The following PDE8B variants were observed in gnomAD, a reference collection of about 807,000 sequenced individuals.
PDE8B encodes phosphodiesterase 8B.
Under a neutral mutation model 101.3 loss-of-function variants are expected in PDE8B, and 26 were observed. The ratio of observed to expected loss-of-function variants is 0.26; its 90% CI spans 0.19 to 0.36. The LOEUF (loss-of-function observed/expected upper bound fraction) is 0.36, where lower values mean the gene tolerates loss of function less well. Among genes scored for constraint, PDE8B ranks in the 10% least tolerant of loss-of-function variants. PDE8B has a pLI of 1.00. For missense variants in PDE8B, 810 were observed against 1,163.1 expected (o/e 0.70, Z 4.42); for synonymous variants, 424 against 429.3 (o/e 0.99, Z 0.15).
rs144325379 is a variant in PDE8B at position 77,215,594 on chromosome 5, C to T, written c.339+4330C>T. 1.8e-3 allele frequency among the ~76,000 whole-genome samples: 273 copies of T among 152,292 alleles called. 1 individual carries two copies. Among genetic ancestry groups the T allele is most frequent in the Admixed American group, 2.9e-3 (45 of 15,292 alleles). On this transcript the variant is annotated intron_variant, in intron 1 of 21. Transcript: ENST00000264917. ...CCAGGATGTAACATAGTATAAGCTG[C>T]CAGCTGTTCAGAGATGATATAGTTT...
intron 1 of PDE8B, among the ~76,000 whole-genome samples, chr5:77,283,242 A>AC (rs1295800421): frequency 1.3e-5 from 2 of 151,740 alleles, no homozygotes; most frequent in East Asian, 1.9e-4. Flanking sequence ...ACCCTGCACC[A>AC]CCCCCCACTC....
the PDE8B span, among the ~76,000 whole-genome samples, chr5:77,155,330 A>G: frequency 6.6e-6 from 1 of 152,252 alleles, no homozygotes; most frequent in Non-Finnish European, 1.5e-5. Context: ...GGTCCGCCCC[A>G]TAGGCCACCA....
intron 10 of PDE8B, among the ~76,000 whole-genome samples, chr5:77,369,709 A>G (rs1784747813): frequency 6.6e-6 from 1 of 152,202 alleles, no homozygotes; most frequent in Non-Finnish European, 1.5e-5. Context: ...GAAAATGTGC[A>G]AGCTTGGCAT....
In PDE8B at chr5:77,427,798, G is replaced by A. The variant is rs1174119349; in HGVS notation, c.*1244G>A. On this transcript the variant is annotated 3_prime_UTR_variant, in exon 22 of 22. Coordinates refer to ENST00000264917, the MANE Select transcript of PDE8B (RefSeq NM_003719.5). Reference sequence around the variant, plus strand: ...TCTTTTACCAGCTGATCCTTCCTATGTATTATAAATATTAGACTCCGTAAA... The same window carrying A: ...TCTTTTACCAGCTGATCCTTCCTATATATTATAAATATTAGACTCCGTAAA... The A allele has an allele frequency of 6.6e-6, 1 of 152,040 alleles. No homozygotes were observed. Among genetic ancestry groups the A allele is most frequent in the African/African-American group, 2.4e-5 (1 of 41,392 alleles). 9.4% of individuals were successfully genotyped at this position (152,040 alleles called of 1,614,324 possible). A position where few individuals can be genotyped will look rare whatever the true frequency, so the allele number is the denominator to read the frequency against.
At chr5:77,152,780 C>T in the PDE8B span, among the ~76,000 whole-genome samples, 1 of 151,974 alleles carries the variant, frequency 6.6e-6, no homozygotes, top group Admixed American at 6.5e-5. Context: ...CTCACCCTCA[C>T]CTCCGCAGCC....
At chr5:77,260,982 C>G (rs1294796023) in intron 1 of PDE8B, among the ~76,000 whole-genome samples, 1 of 152,104 alleles carries the variant, frequency 6.6e-6, no homozygotes, top group Non-Finnish European at 1.5e-5. Context: ...TGTTCTAATA[C>G]CGGCTGAAGA....
intron 4 of PDE8B, among the ~76,000 whole-genome samples, chr5:77,330,871 G>A (rs968003602): frequency 1.3e-5 from 2 of 152,160 alleles, no homozygotes; most frequent in Non-Finnish European, 2.9e-5. Context: ...TGTGAAATGA[G>A]TAGCAATTAT....
chr5:77,173,741 A>G, the PDE8B span, among the ~76,000 whole-genome samples: 4 of 151,860 alleles, frequency 2.6e-5, no homozygotes, highest in African/African-American at 9.7e-5. Flanking sequence ...TTCTCCCCCC[A>G]TCTCATTTTT....
chr5:77,210,559 G>A, upstream of PDE8B: 1 of 911,604 alleles, frequency 1.1e-6, no homozygotes, highest in Non-Finnish European at 1.3e-6. This position sits in a 1 kb window ranked among gnomAD's most constrained non-coding sequence, Gnocchi z 4.9. Flanking sequence ...GGAGCCCGGC[G>A]AGGTCGAGCT....
At chr5:77,341,683 G>T (rs1779224992) in intron 6 of PDE8B, among the ~76,000 whole-genome samples, 1 of 152,236 alleles carries the variant, frequency 6.6e-6, no homozygotes. Context: ...CTTCCCTACA[G>T]TGCTTCGTCC....
At chr5:77,181,300 C>T in the PDE8B span, among the ~76,000 whole-genome samples, 5 of 152,128 alleles carry the variant, frequency 3.3e-5, no homozygotes, top group Non-Finnish European at 7.3e-5. Flanking sequence ...GGAGAACAGT[C>T]TGTGGTAGGG....
At chr5:77,335,773 T>C (rs1778060697) in intron 5 of PDE8B, among the ~76,000 whole-genome samples, 1 of 152,212 alleles carries the variant, frequency 6.6e-6, no homozygotes, top group South Asian at 2.1e-4. Flanking sequence ...GCCAGCCATA[T>C]GCTTAGAAAG....
Position 77,270,591 on chromosome 5 carries a change from C to G in PDE8B, c.340-41403C>G, listed in dbSNP as rs527328474. On this transcript the variant is annotated intron_variant, in intron 1 of 21. Transcript: ENST00000264917. ...TGTTGATGGTATTTGGCTGAGGGAC[C>G]CTGAAGCTTCTGGATCTTGCTTGTA... Among the ~76,000 whole-genome samples the G allele has an allele frequency of 9.2e-5, 14 of 152,220 alleles. No homozygotes were observed. In the East Asian group the frequency reaches 2.7e-3, roughly 29 times the overall value.
Position 77,384,807 on chromosome 5 carries a change from A to G in PDE8B, c.1168-15441A>G, listed in dbSNP as rs557793822. On this transcript the variant is annotated intron_variant, in intron 10 of 21. Coordinates refer to ENST00000264917, the MANE Select transcript of PDE8B (RefSeq NM_003719.5). ...TTTGCGTATGTCTAACCAGCCATGC[A>G]TCCCAGGGATGAAGCCAACCTGATC... is the stretch of plus-strand genomic sequence containing the variant. 2.0e-5 allele frequency among the ~76,000 whole-genome samples: 3 copies of G among 152,328 alleles called. No individual in the cohort carries two copies. In the East Asian group the frequency reaches 5.8e-4, roughly 29 times the overall value.
chr5:77,097,720 T>TCTATATATATATAG, the PDE8B span, among the ~76,000 whole-genome samples: 6 of 41,894 alleles, frequency 1.4e-4, no homozygotes, highest in African/African-American at 2.9e-4. Context: ...TATATATATA[T>TCTATATATATATAG]ATATATATAT....
At chr5:77,091,101 A>T in the PDE8B span, among the ~76,000 whole-genome samples, 2 of 152,192 alleles carry the variant, frequency 1.3e-5, no homozygotes, top group African/African-American at 4.8e-5. Context: ...TTTTGATAAT[A>T]GTCATCCTAA....
At chr5:77,104,202 G>A in the PDE8B span, among the ~76,000 whole-genome samples, 4 of 152,140 alleles carry the variant, frequency 2.6e-5, no homozygotes, top group South Asian at 2.1e-4. Flanking sequence ...GGGGCCTATC[G>A]CTCTTCCACA....
intron 2 of PDE8B, 49 bp downstream of exon 2, chr5:77,312,102 T>TTTA: frequency 7.6e-7 from 1 of 1,314,308 alleles, no homozygotes; most frequent in Non-Finnish European, 1.1e-6. Flanking sequence ...TTCTTTTTTT[T>TTTA]TTCTTTTTTT....
chr5:77,377,925 C>T (rs1170556513), intron 10 of PDE8B, among the ~76,000 whole-genome samples: 7 of 151,912 alleles, frequency 4.6e-5, no homozygotes, highest in Non-Finnish European at 1.0e-4. Context: ...GACATCGTAT[C>T]ATGGGACTCC....
Sources: gnomAD v4.1 joint callset for allele counts (sites outside exome capture counted in the v4.1 genomes callset) on GRCh38, gnomAD v4.1.1 for gene constraint, Gnocchi (gnomAD v3.1) non-coding constraint, MANE v1.5 for transcripts, NCBI Gene and HGNC (gene_info 2026-07-23, HGNC 2026-07-21) for gene names.